CFAP99: variants seen among roughly 807,000 people sequenced by gnomAD.
CFAP99 encodes cilia- and flagella-associated protein 99.
A neutral mutation model predicts 82.7 loss-of-function variants in CFAP99; 84 were observed. The ratio of observed to expected loss-of-function variants is 1.02; its 90% CI spans 0.85 to 1.22. The LOEUF is 1.22. Among genes scored for constraint, CFAP99 ranks in the 50% most tolerant of loss-of-function variants. CFAP99 has a pLI of 0.00. For missense variants in CFAP99, 1,059 were observed against 983.5 expected (o/e 1.08, Z -1.03); for synonymous variants, 456 against 429.5 (o/e 1.06, Z -0.76).
At chr4:2,458,217 T>C (rs1350222243) in intron 11 of CFAP99, among the ~76,000 whole-genome samples, 2 of 152,238 alleles carry the variant, frequency 1.3e-5, no homozygotes, top group African/African-American at 4.8e-5. Context: ...TTGGTATTTT[T>C]TGGTGCCCAC....
At chr4:2,441,511 C>A (rs934004559) in intron 4 of CFAP99, among the ~76,000 whole-genome samples, 2 of 152,190 alleles carry the variant, frequency 1.3e-5, no homozygotes, top group Non-Finnish European at 2.9e-5. Context: ...TGCTCAGGGG[C>A]TGCTGCAGGG....
Position 2,449,040 on chromosome 4 carries a change from A to C in CFAP99, c.643-630A>C, listed in dbSNP as rs1002763268. Among the ~76,000 whole-genome samples, 27 of 152,202 alleles carry C rather than the reference A, an allele frequency of 1.8e-4. 1 individual carries two copies. The highest frequency in any genetic ancestry group is 3.4e-3 in the Middle Eastern group (1 of 294). On this transcript the variant is annotated intron_variant, in intron 6 of 14. Transcript: ENST00000635017. Reference sequence around the variant, plus strand: ...AAGATGAGGGTTTGAGGTTTGGACGAGTTGATTTTCCATGACTGTTAGATG... The same window carrying C: ...AAGATGAGGGTTTGAGGTTTGGACGCGTTGATTTTCCATGACTGTTAGATG...
At chr4:2,452,695 T>A (rs1218685928) in intron 11 of CFAP99, among the ~76,000 whole-genome samples, 1 of 152,218 alleles carries the variant, frequency 6.6e-6, no homozygotes, top group Non-Finnish European at 1.5e-5. Context: ...AGATTGCTTC[T>A]TTTGATAGTT....
chr4:2,427,505 AC>A (rs1318396331), intron 2 of CFAP99: 1 of 152,374 alleles, frequency 6.6e-6, no homozygotes, highest in Non-Finnish European at 1.5e-5. Flanking sequence ...GGGAGCGGGC[AC>A]TCGCCCCCTG....
intron 1 of CFAP99, among the ~76,000 whole-genome samples, chr4:2,426,070 T>C (rs1159570109): frequency 6.6e-6 from 1 of 152,102 alleles, no homozygotes; most frequent in African/African-American, 2.4e-5. Context: ...TTTCGAGAGG[T>C]GCCTGTGCTC....
chr4:2,440,840 C>T (rs922766019), intron 4 of CFAP99, among the ~76,000 whole-genome samples: 3 of 151,872 alleles, frequency 2.0e-5, no homozygotes, highest in African/African-American at 4.8e-5. Context: ...GTGATCCACC[C>T]GTCTCAGACT....
At chr4:2,451,240 C>T (rs1560387354) in intron 9 of CFAP99, 24 bp from the exon 10 acceptor site, 2 of 1,535,344 alleles carry the variant, frequency 1.3e-6, no homozygotes, top group Admixed American at 3.9e-5. Flanking sequence ...AAGCCCCCAC[C>T]ACAGCCAGTC....
At chr4:2,458,850 G>T in exon 12 of CFAP99, 3 of 1,535,186 alleles carry the variant, frequency 2.0e-6, no homozygotes, top group Non-Finnish European at 2.6e-6. Context: ...CTCGCGAAGG[G>T]CCGACAGCAG....
chr4:2,424,811 C>T (rs192122944), intron 1 of CFAP99, among the ~76,000 whole-genome samples: 105 of 152,356 alleles, frequency 6.9e-4, no homozygotes, highest in African/African-American at 2.2e-3. Context: ...CTGCACTGAA[C>T]GTGTTCGGGG....
At chr4:2,421,031 AAT>A (rs1231587016) in intron 1 of CFAP99, among the ~76,000 whole-genome samples, 1 of 152,214 alleles carries the variant, frequency 6.6e-6, no homozygotes, top group Non-Finnish European at 1.5e-5. Context: ...CCCAGCTAAA[AAT>A]CAGAGTTTTC....
chr4:2,436,081 CAAAA>C (rs60559586), intron 2 of CFAP99, among the ~76,000 whole-genome samples: 1 of 125,404 alleles, frequency 8.0e-6, no homozygotes, highest in African/African-American at 2.8e-5. Context: ...TCAAAAACTT[CAAAA>C]AAAAAAAAAA....
chr4:2,448,013 GTGGATGAA>G lies in CFAP99; in HGVS notation c.643-1650_643-1643del, dbSNP rs879386796. On this transcript the variant is annotated intron_variant, in intron 6 of 14. Coordinates refer to ENST00000635017, the Ensembl canonical transcript of CFAP99. This position sits in a 1 kb window ranked among gnomAD's most constrained non-coding sequence, Gnocchi z 5.2. ...GAAGGATAAGTAGATGGATGGATAA[GTGGATGAA>G]TGGATGGATGGATGGATGGATGATC... 3.3e-5 allele frequency among the ~76,000 whole-genome samples: 4 copies of G among 122,894 alleles called. No individual in the cohort carries two copies. The highest frequency in any genetic ancestry group is 2.4e-4 in the Admixed American group (3 of 12,726). The allele number at this position is 122,894 out of a possible 152,430, so 80.6% of individuals were successfully genotyped here.
chr4:2,454,312 T>C (rs1240461748), intron 11 of CFAP99, among the ~76,000 whole-genome samples: 5 of 152,120 alleles, frequency 3.3e-5, no homozygotes, highest in Non-Finnish European at 2.9e-5. Context: ...ACTTTTTGTA[T>C]TTTTAGTAGA....
chr4:2,427,081 C>G (rs912973822), intron 2 of CFAP99: 1 of 168,556 alleles, frequency 5.9e-6, no homozygotes, highest in Non-Finnish European at 1.3e-5. Flanking sequence ...CCCGGGGAGC[C>G]GAGGGCTGCA....
At chr4:2,445,072 C>T (rs1018453722) in intron 5 of CFAP99, 59 bp from the exon 6 acceptor site, 38 of 1,191,382 alleles carry the variant, frequency 3.2e-5, no homozygotes, top group Non-Finnish European at 3.6e-5. Flanking sequence ...TAAAGGCCAT[C>T]GCCTTATTGA....
intron 10 of CFAP99, 105 bp from the exon 11 acceptor site, chr4:2,452,033 TAGCA>T: frequency 8.9e-7 from 1 of 1,120,142 alleles, no homozygotes; most frequent in Non-Finnish European, 1.3e-6. Flanking sequence ...GTGTCAGGAG[TAGCA>T]GCCCACGCCT....
At chr4:2,450,956 C>G (rs1734284953) in exon 9 of CFAP99, 2 of 1,535,998 alleles carry the variant, frequency 1.3e-6, no homozygotes, top group Non-Finnish European at 1.7e-6. Context: ...GGGCTCCAAG[C>G]AGCAGCTGCG....
intron 5 of CFAP99, 133 bp downstream of exon 5, chr4:2,443,375 G>A: frequency 1.6e-6 from 1 of 644,270 alleles, no homozygotes; most frequent in South Asian, 1.8e-5. Flanking sequence ...ATCACTCCGT[G>A]TTCGGATGAG....
In CFAP99 at chr4:2,420,904, T is replaced by C. The variant is rs142525441; in HGVS notation, c.-18+1811T>C. Among the ~76,000 whole-genome samples, 933 of 152,290 alleles carry C rather than the reference T, an allele frequency of 6.1e-3. 4 individuals are homozygous for C. The highest frequency in any genetic ancestry group is 0.02 in the Middle Eastern group (6 of 294). ...ATGCCTCTCTCGTTCAGGGAGACTT[T>C]CCAGAAGTCTCACACCTTTCCACTT... On this transcript the variant is annotated intron_variant, in intron 1 of 14. Coordinates refer to ENST00000635017, the Ensembl canonical transcript of CFAP99.
Sources: gnomAD v4.1 joint callset for allele counts (sites outside exome capture counted in the v4.1 genomes callset) on GRCh38, gnomAD v4.1.1 for gene constraint, Gnocchi (gnomAD v3.1) non-coding constraint, MANE v1.5 for transcripts, NCBI Gene and HGNC (gene_info 2026-07-23, HGNC 2026-07-21) for gene names.